The following PIR variants were observed in gnomAD, a reference collection of about 807,000 sequenced individuals.
PIR encodes pirin (iron-binding nuclear protein).
A neutral mutation model predicts 24.2 loss-of-function variants in PIR; 22 were observed. The ratio of observed to expected loss-of-function variants is 0.91; its 90% CI spans 0.65 to 1.30. PIR has a LOEUF of 1.30. PIR is among the 50% of genes most tolerant of loss of function. The pLI, the probability that PIR is intolerant of heterozygous loss-of-function variation, is 0.00. For missense variants in PIR, 220 were observed against 220.3 expected (o/e 1.00, Z 0.01); for synonymous variants, 80 against 79.6 (o/e 1.00, Z -0.03).
chrX:15,465,511 C>T (rs1339381991), intron 3 of PIR, among the ~76,000 whole-genome samples: 1 of 111,715 alleles, frequency 9.0e-6, no homozygotes, highest in Admixed American at 9.5e-5. Context: ...GGGTGGCTGA[C>T]GAATTGTGAG....
intron 7 of PIR, among the ~76,000 whole-genome samples, chrX:15,403,160 TC>T (rs1924445764): frequency 9.0e-6 from 1 of 111,568 alleles, no homozygotes. Flanking sequence ...CATTTGTGTT[TC>T]CCCGCCTTTA....
At chrX:15,389,284 C>T (rs999124511) in intron 9 of PIR, among the ~76,000 whole-genome samples, 4 of 111,881 alleles carry the variant, frequency 3.6e-5, no homozygotes, top group African/African-American at 1.3e-4. Flanking sequence ...GAATGGAAAT[C>T]GGATGCGTAC....
intron 3 of PIR, among the ~76,000 whole-genome samples, chrX:15,469,130 G>A (rs1383283835): frequency 9.0e-6 from 1 of 111,209 alleles, no homozygotes; most frequent in Non-Finnish European, 1.9e-5. Flanking sequence ...CCTCAATGGT[G>A]GGTGGGGGTG....
Position 15,461,670 on chromosome X carries a change from C to A in PIR, c.190-1930G>T, listed in dbSNP as rs1003661075. 1.3e-4 allele frequency among the ~76,000 whole-genome samples: 14 copies of A among 111,486 alleles called. No homozygotes were observed. In the East Asian group the frequency reaches 3.9e-3, roughly 31 times the overall value. On this transcript the variant is annotated intron_variant, in intron 3 of 9. Transcript: ENST00000380420. Reference sequence around the variant, plus strand: ...TGGTGGCAGGCGCCTGTAATCCCAGCTACTGGGGAGGCTGAAGCAGGAGAA... The same window carrying A: ...TGGTGGCAGGCGCCTGTAATCCCAGATACTGGGGAGGCTGAAGCAGGAGAA...
intron 5 of PIR, among the ~76,000 whole-genome samples, chrX:15,435,241 G>A (rs1166798757): frequency 2.0e-5 from 2 of 98,005 alleles, no homozygotes; most frequent in Admixed American, 1.2e-4. Flanking sequence ...AAGAAAAGAA[G>A]AAAGAAAGAA....
In PIR at chrX:15,390,248, G is replaced by C; in HGVS notation, c.697C>G (p.Pro233Ala). 1 of 1,105,587 alleles carries C rather than the reference G, an allele frequency of 9.0e-7. No homozygotes were observed. Among genetic ancestry groups the C allele is most frequent in the Non-Finnish European group, 1.2e-6 (1 of 812,775 alleles). 91.1% of individuals were successfully genotyped at this position (1,105,587 alleles called of 1,213,427 possible). ...ATTAAGACAAAGTGGCTTCTCTTGG[G>C]ATCCTAAAGTTAACAAAGAAAACAT... ...GDSVQVENKD[P>A]KRSHFVLIAG... The change falls in exon 9 of 10, where the codon CCC becomes GCC. Residue 233 changes from proline to alanine, a missense_variant. Transcript: ENST00000380420.
chrX:15,403,846 A>G (rs1924465802), intron 7 of PIR, among the ~76,000 whole-genome samples: 1 of 111,823 alleles, frequency 8.9e-6, no homozygotes, highest in Non-Finnish European at 1.9e-5. Flanking sequence ...GAATAAGAAA[A>G]TGAGAATTCT....
chrX:15,386,722 G>C, intron 9 of PIR, among the ~76,000 whole-genome samples: 1 of 110,837 alleles, frequency 9.0e-6, no homozygotes, highest in Non-Finnish European at 1.9e-5. Context: ...ATACTGGAGG[G>C]GATAGGGGTA....
chrX:15,391,555 C>T (rs1467499981), intron 8 of PIR, among the ~76,000 whole-genome samples: 1 of 111,907 alleles, frequency 8.9e-6, no homozygotes, highest in Non-Finnish European at 1.9e-5. Context: ...TACATATATA[C>T]ACTTTTCAGT....
At chrX:15,487,755 T>C (rs987110320) in intron 2 of PIR, among the ~76,000 whole-genome samples, 1 of 112,245 alleles carries the variant, frequency 8.9e-6, no homozygotes, top group South Asian at 3.7e-4. Context: ...ATAACTGTGA[T>C]GAAGGGTGTG....
chrX:15,480,291 T>C (rs947910042), intron 2 of PIR, among the ~76,000 whole-genome samples: 1 of 111,349 alleles, frequency 9.0e-6, no homozygotes, highest in African/African-American at 3.3e-5. Flanking sequence ...TAAACCTCTT[T>C]CTTTTGTAAA....
chrX:15,398,654 C>G (rs1924260945), intron 7 of PIR, among the ~76,000 whole-genome samples: 1 of 72,852 alleles, frequency 1.4e-5, no homozygotes, highest in Non-Finnish European at 2.9e-5. Context: ...AAATTGACAG[C>G]CCTTGAGGAG....
intron 4 of PIR, among the ~76,000 whole-genome samples, chrX:15,458,721 A>C (rs1374659850): frequency 8.9e-6 from 1 of 112,857 alleles, no homozygotes; most frequent in Non-Finnish European, 1.9e-5. Context: ...CTATGCAATC[A>C]TCATCCTAAT....
chrX:15,411,943 G>A (rs1924755858), intron 6 of PIR, among the ~76,000 whole-genome samples: 1 of 112,002 alleles, frequency 8.9e-6, no homozygotes, highest in Non-Finnish European at 1.9e-5. Flanking sequence ...CATTCTTCTT[G>A]CTATAAATAT....
intron 3 of PIR, among the ~76,000 whole-genome samples, chrX:15,471,466 CAAGCTTGGGCTTCG>C (rs1186276533): frequency 8.9e-6 from 1 of 111,889 alleles, no homozygotes; most frequent in Non-Finnish European, 1.9e-5. Flanking sequence ...AGCTAGAGAT[CAAGCTTGGGCTTCG>C]AAGCTTGGGC....
At chrX:15,427,211 GA>G (rs1325476664) in intron 5 of PIR, among the ~76,000 whole-genome samples, 1 of 110,969 alleles carries the variant, frequency 9.0e-6, no homozygotes, top group African/African-American at 3.3e-5. Flanking sequence ...GTTATCTTGG[GA>G]AGGTTAGCAA....
intron 3 of PIR, among the ~76,000 whole-genome samples, chrX:15,470,600 CTTTTT>C (rs1185040119): frequency 4.2e-3 from 188 of 45,068 alleles, no homozygotes; most frequent in Middle Eastern, 0.024. Context: ...TTCTTTCTTT[CTTTTT>C]TTTTTTTTTT....
At chrX:15,445,820 CTTTT>C (rs1192838504) in intron 5 of PIR, among the ~76,000 whole-genome samples, 1 of 64,921 alleles carries the variant, frequency 1.5e-5, no homozygotes, top group Non-Finnish European at 2.9e-5. Flanking sequence ...CAAGATATTT[CTTTT>C]TTTTTTTTTT....
intron 5 of PIR, among the ~76,000 whole-genome samples, chrX:15,432,193 C>T (rs1233503123): frequency 9.0e-6 from 1 of 111,583 alleles, no homozygotes; most frequent in Non-Finnish European, 1.9e-5. Context: ...TTTAACTTTT[C>T]ATTCATTTAT....
Sources: allele counts gnomAD v4.1 joint callset (sites outside exome capture counted in the v4.1 genomes callset), GRCh38; gene constraint gnomAD v4.1.1; transcripts MANE v1.5; gene names NCBI Gene and HGNC (gene_info 2026-07-23, HGNC 2026-07-21).